The following NKTR variants were observed in gnomAD, a reference collection of about 807,000 sequenced individuals.
The protein encoded by NKTR is natural killer cell triggering receptor.
NKTR carries 67 observed loss-of-function variants against 156.3 expected under a neutral mutation model. The observed-to-expected ratio is 0.43, with a 90% CI of 0.35 to 0.53. The LOEUF (loss-of-function observed/expected upper bound fraction) is 0.53. NKTR is among the 20% of genes least tolerant of loss of function. NKTR has a pLI of 0.01. For synonymous variants in NKTR, 640 were observed against 596.6 expected, an observed-to-expected ratio of 1.07 and a Z score of -1.06; for missense variants, 1,604 against 1,730.9, an observed-to-expected ratio of 0.93 and a Z score of 1.30.
chr3:42,608,803 A>C (rs1178267058), intron 2 of NKTR, among the ~76,000 whole-genome samples: 3 of 152,162 alleles, frequency 2.0e-5, no homozygotes, highest in African/African-American at 7.2e-5. Context: ...AAGGGATTTA[A>C]GTGTTCTCTG....
intron 1 of NKTR, 33 bp from the exon 2 acceptor site, chr3:42,600,951 T>TCGCCCCG: frequency 8.8e-7 from 1 of 1,135,844 alleles, no homozygotes. Flanking sequence ...CCCTCGCCCC[T>TCGCCCCG]GCCCTGACCG....
chr3:42,608,414 A>G (rs977776160), intron 2 of NKTR, among the ~76,000 whole-genome samples: 1 of 152,090 alleles, frequency 6.6e-6, no homozygotes, highest in African/African-American at 2.4e-5. Context: ...TAAAGGATAT[A>G]TCTCAGGAAC....
intron 2 of NKTR, chr3:42,602,787 G>C (rs1163285286): frequency 6.6e-6 from 1 of 151,998 alleles, no homozygotes; most frequent in East Asian, 1.9e-4. Context: ...AGGCAGACGC[G>C]GGTGTATCAT....
chr3:42,646,147 T>TA lies in NKTR; in HGVS notation c.*173dup, dbSNP rs1250141860. On this transcript the variant is annotated 3_prime_UTR_variant, in exon 17 of 17. Transcript: ENST00000232978. ...TGGGGAGAAGAATTTAAAATACAGA[T>TA]ATGTCTCCTAAAAATATTTTTATGC... is the stretch of plus-strand genomic sequence containing the variant. 27 of 460,830 alleles carry TA rather than the reference T, an allele frequency of 5.9e-5. No homozygotes were observed. The highest frequency in any genetic ancestry group is 4.0e-6 in the Non-Finnish European group (1 of 250,568). The allele number at this position is 460,830 out of a possible 1,614,324, so 28.5% of individuals were successfully genotyped here.
At chr3:42,627,369 T>G in intron 6 of NKTR, 1 of 985,624 alleles carries the variant, frequency 1.0e-6, no homozygotes, top group Non-Finnish European at 1.2e-6. Context: ...AACAAGTGCA[T>G]TTTATTTTTC....
intron 2 of NKTR, 74 bp from the exon 3 acceptor site, chr3:42,617,496 C>A (rs1242251039): frequency 2.7e-6 from 2 of 747,592 alleles, no homozygotes; most frequent in Non-Finnish European, 4.7e-6. Flanking sequence ...ATTTGTTAGC[C>A]CTGTTTCTTT....
At chr3:42,621,641 C>A in intron 6 of NKTR, 125 bp downstream of exon 6, 1 of 980,344 alleles carries the variant, frequency 1.0e-6, no homozygotes, top group East Asian at 2.9e-5. Context: ...TTATTAATTT[C>A]TAATATCATA....
chr3:42,608,758 G>A (rs1189455156), intron 2 of NKTR, among the ~76,000 whole-genome samples: 1 of 152,164 alleles, frequency 6.6e-6, no homozygotes, highest in Non-Finnish European at 1.5e-5. Flanking sequence ...CTATCTGGGG[G>A]TCTGCCAAGA....
rs557551692 is a variant in NKTR at position 42,645,767 on chromosome 3, T to C, written c.4302-121T>C. 3.6e-4 allele frequency: 209 copies of C among 588,618 alleles called. 1 individual carries two copies. Among genetic ancestry groups the C allele is most frequent in the Non-Finnish European group, 5.2e-4 (171 of 327,990 alleles). 36.5% of individuals were successfully genotyped at this position (588,618 alleles called of 1,614,324 possible). On this transcript the variant is annotated intron_variant, in intron 16 of 16. Coordinates refer to ENST00000232978, the MANE Select transcript of NKTR (RefSeq NM_005385.4). ...TGCTGCATCAATAGTGCATCAGTTA[T>C]ATGAGTGGCTTGAAAACACTATTGA...
chr3:42,619,666 A>G lies in NKTR; in HGVS notation c.244A>G (p.Asn82Asp). 6.2e-7 allele frequency: 1 copy of G among 1,605,182 alleles called. No homozygotes were observed. The highest frequency in any genetic ancestry group is 1.3e-5 in the African/African-American group (1 of 74,820). ...MIQGGDFSEGNGKGGESIYGG... is the reference protein window; with the variant it reads ...MIQGGDFSEGDGKGGESIYGG... ...TTAAAGTAGGTGATTATTTGCAGGT[A>G]ATGGAAAAGGTGGAGAATCAATTTA... The change falls in exon 5 of 17, where the codon AAT (asparagine) becomes GAT (aspartate). Residue 82 changes from asparagine to aspartate, a missense_variant and splice_region_variant. By Grantham distance (23) the Asn-to-Asp change is conservative. Around this residue, in one of 6 missense-constraint regions of NKTR, gnomAD observed 4 missense variants for 21.1 expected, o/e 0.19. Coordinates refer to ENST00000232978, the MANE Select transcript of NKTR (RefSeq NM_005385.4).
rs1470989361 is a variant in NKTR at position 42,628,605 on chromosome 3, T to C, written c.375-1941T>C. The C allele has an allele frequency of 7.1e-6, 7 of 985,264 alleles. No homozygotes were observed. In the East Asian group the frequency reaches 6.8e-4, roughly 96 times the overall value. 61.0% of individuals were successfully genotyped at this position (985,264 alleles called of 1,614,324 possible). On this transcript the variant is annotated intron_variant, in intron 6 of 16. Transcript: ENST00000232978. ...ATCTGTGAGTCATGGGAGGAACGGA[T>C]CAAAGAAGGAGAAGGAATGTATCTA...
chr3:42,628,396 A>C, intron 6 of NKTR: 1 of 985,200 alleles, frequency 1.0e-6, no homozygotes, highest in Non-Finnish European at 1.2e-6. Flanking sequence ...TTCCATCCTC[A>C]AATTGAGTCT....
Position 42,638,569 on chromosome 3 carries a change from A to T in NKTR, c.2865A>T (p.Thr955=), listed in dbSNP as rs1411206120. The change falls in exon 13 of 17, where the codon ACA becomes ACT. Residue 955 remains threonine, a synonymous_variant. Transcript: ENST00000232978. ...CTTGGAAATCAAGCAAACAGCGCAC[A>T]TCAACTTCTGACTCTGAGGGGTCCT... is the stretch of plus-strand genomic sequence containing the variant. The part of the protein sequence containing the change: ...NGAWKSSKQR[T]STSDSEGSCS... 6.2e-7 allele frequency: 1 copy of T among 1,613,974 alleles called. No homozygotes were observed. The highest frequency in any genetic ancestry group is 1.1e-5 in the South Asian group (1 of 91,048).
rs71072726 is a variant in NKTR at position 42,604,659 on chromosome 3, C to CTTTTTTTTTTTTTTTTTTTTTTTTT, written c.58+3610_58+3634dup. Among the ~76,000 whole-genome samples the CTTTTTTTTTTTTTTTTTTTTTTTTT allele has an allele frequency of 4.4e-5, 2 of 45,292 alleles. 1 individual carries two copies. Among genetic ancestry groups the CTTTTTTTTTTTTTTTTTTTTTTTTT allele is most frequent in the African/African-American group, 2.0e-4 (2 of 10,240 alleles). The allele number at this position is 45,292 out of a possible 152,430, so 29.7% of individuals were successfully genotyped here. ...AATTGTGGATTTATCTATTTCTCTC[C>CTTTTTTTTTTTTTTTTTTTTTTTTT]TTTTTTTTTTTTTTTTTTTTTTTTT... On this transcript the variant is annotated intron_variant, in intron 2 of 16. Coordinates refer to ENST00000232978, the MANE Select transcript of NKTR (RefSeq NM_005385.4).
intron 16 of NKTR, among the ~76,000 whole-genome samples, 177 bp downstream of exon 16, chr3:42,644,180 TA>T (rs1462273456): frequency 9.2e-5 from 14 of 152,204 alleles, no homozygotes; most frequent in Admixed American, 3.9e-4. Context: ...GCTTTTATAT[TA>T]AGAGTTGCCA....
At chr3:42,623,448 T>G (rs1708100891) in intron 6 of NKTR, among the ~76,000 whole-genome samples, 1 of 152,210 alleles carries the variant, frequency 6.6e-6, no homozygotes, top group East Asian at 1.9e-4. Flanking sequence ...AAGATTTTTG[T>G]GTCAGTATAC....
In NKTR at chr3:42,633,063, A is replaced by G. The variant is rs1431162910; in HGVS notation, c.773+240A>G. 156 of 1,150,378 alleles carry G rather than the reference A, an allele frequency of 1.4e-4. 1 individual carries two copies. The highest frequency in any genetic ancestry group is 2.1e-5 in the Non-Finnish European group (19 of 921,708). The allele number at this position is 1,150,378 out of a possible 1,614,324, so 71.3% of individuals were successfully genotyped here. On this transcript the variant is annotated intron_variant, in intron 9 of 16. Coordinates refer to ENST00000232978, the MANE Select transcript of NKTR (RefSeq NM_005385.4). ...CCTAAGAACTCTTTTTTTAAGAGAT[A>G]GGGTCTTGCTCTGTTATCCAGGCTG... is the stretch of plus-strand genomic sequence containing the variant.
intron 6 of NKTR, chr3:42,628,735 C>T (rs1258943284): frequency 1.0e-6 from 1 of 970,286 alleles, no homozygotes; most frequent in Non-Finnish European, 1.2e-6. Flanking sequence ...GGTGTGGTGG[C>T]TCATGCCTAT....
rs1210572142 is a variant in NKTR at position 42,630,748 on chromosome 3, C to A, written c.404+173C>A. 7 of 1,412,218 alleles carry A rather than the reference C, an allele frequency of 5.0e-6. No individual in the cohort carries two copies. The African/African-American group carries it at 1.0e-4, about 21-fold the overall frequency. 87.5% of individuals were successfully genotyped at this position (1,412,218 alleles called of 1,614,324 possible). On this transcript the variant is annotated intron_variant, in intron 7 of 16. Transcript: ENST00000232978. ...ACTTGTTTTGAGACCCCATGGCTCT[C>A]ATGTGACTGAAGGAGTCAATCTGTG...
Sources: gnomAD v4.1 joint callset for allele counts (sites outside exome capture counted in the v4.1 genomes callset) on GRCh38, gnomAD v4.1.1 for gene constraint, gnomAD v4.1.1 regional missense constraint, MANE v1.5 for transcripts, NCBI Gene and HGNC (gene_info 2026-07-23, HGNC 2026-07-21) for gene names.